LGR6: variants seen among roughly 807,000 people sequenced by gnomAD.
LGR6 encodes the protein leucine-rich repeat-containing G protein-coupled receptor 6.
Under a neutral mutation model 69.4 loss-of-function variants are expected in LGR6, and 45 were observed. The observed-to-expected ratio is 0.65, with a 90% CI of 0.51 to 0.83. The LOEUF is 0.83. Among genes scored for constraint, LGR6 ranks in the 40% least tolerant of loss-of-function variants. LGR6 has a pLI of 0.00. For missense variants in LGR6, 1,108 were observed against 1,246.7 expected, an observed-to-expected ratio of 0.89 and a Z score of 1.68; for synonymous variants, 538 against 555.0, an observed-to-expected ratio of 0.97 and a Z score of 0.43.
rs1021539532 is a variant in LGR6, at chr1:202,268,460, T to C, written c.429-7846T>C. On this transcript the variant is annotated intron_variant, in intron 4 of 17. Coordinates refer to ENST00000367278, the MANE Select transcript of LGR6 (RefSeq NM_001017403.2). The surrounding 1 kb of genome is among the most constrained non-coding windows in gnomAD (Gnocchi z 4.4). ...TAACCATTTCCATAGTGGCTGCTTTTTTTTTTTTTAACTTTTAATATCCTC... is the reference window on the plus strand; with the variant it reads ...TAACCATTTCCATAGTGGCTGCTTTCTTTTTTTTTAACTTTTAATATCCTC... Among the ~76,000 whole-genome samples, 2 of 152,070 alleles carry C rather than the reference T, an allele frequency of 1.3e-5. No individual in the cohort carries two copies. Among genetic ancestry groups the C allele is most frequent in the Admixed American group, 1.3e-4 (2 of 15,282 alleles).
intron 4 of LGR6, among the ~76,000 whole-genome samples, chr1:202,255,341 C>A (rs529836683): frequency 5.9e-5 from 9 of 152,266 alleles, no homozygotes; most frequent in African/African-American, 2.2e-4. Flanking sequence ...GCCTTGGGGT[C>A]AGGAGGAGCG....
intron 7 of LGR6, among the ~76,000 whole-genome samples, 179 bp from the exon 8 acceptor site, chr1:202,300,670 A>AAAAG (rs1553253370): frequency 6.6e-6 from 1 of 151,896 alleles, no homozygotes; most frequent in African/African-American, 2.4e-5. Flanking sequence ...AAAAAAAAAA[A>AAAAG]AAAGAAAGAA....
At chr1:202,308,794 C>T (rs970565207) in intron 14 of LGR6, among the ~76,000 whole-genome samples, 2 of 152,156 alleles carry the variant, frequency 1.3e-5, no homozygotes, top group Non-Finnish European at 2.9e-5. Flanking sequence ...TTAGAACAGT[C>T]CCTGGTATAT....
chr1:202,298,584 C>T (rs963218691), intron 7 of LGR6: 1 of 150,578 alleles, frequency 6.6e-6, no homozygotes, highest in African/African-American at 2.4e-5. Context: ...TGCAGTGGCA[C>T]GATCTCGGCT....
intron 6 of LGR6, among the ~76,000 whole-genome samples, chr1:202,292,307 C>T (rs1413540339): frequency 1.3e-5 from 2 of 152,228 alleles, no homozygotes; most frequent in Non-Finnish European, 2.9e-5. Flanking sequence ...TTCAGACTCA[C>T]ACTGCCAGGG....
At chr1:202,317,034 C>A (rs1033327771) in intron 17 of LGR6, among the ~76,000 whole-genome samples, 11 of 152,194 alleles carry the variant, frequency 7.2e-5, no homozygotes, top group African/African-American at 2.7e-4. Context: ...GTGGTCTGTA[C>A]CCCTCTCACA....
At chr1:202,255,569 G>A (rs1240225821) in intron 4 of LGR6, among the ~76,000 whole-genome samples, 3 of 152,034 alleles carry the variant, frequency 2.0e-5, no homozygotes, top group African/African-American at 4.8e-5. Flanking sequence ...CAACAGCCTG[G>A]GAGTTAATTA....
intron 4 of LGR6, among the ~76,000 whole-genome samples, chr1:202,264,197 G>A (rs909182318): frequency 1.3e-5 from 2 of 152,102 alleles, no homozygotes; most frequent in Non-Finnish European, 2.9e-5. Flanking sequence ...GGGAAGGACT[G>A]GAACCCTGTG....
chr1:202,315,138 G>C (rs1039349856), intron 17 of LGR6, among the ~76,000 whole-genome samples: 2 of 152,184 alleles, frequency 1.3e-5, no homozygotes, highest in East Asian at 3.9e-4. Context: ...ATGCATCCAG[G>C]ATAAAACTAC....
chr1:202,258,750 A>G (rs190377020), intron 4 of LGR6, among the ~76,000 whole-genome samples: 35 of 152,180 alleles, frequency 2.3e-4, no homozygotes, highest in African/African-American at 8.2e-4. Flanking sequence ...TGGAATTTAT[A>G]GATATCTAAT....
chr1:202,234,651 C>G (rs988110817), intron 3 of LGR6, among the ~76,000 whole-genome samples: 2 of 152,194 alleles, frequency 1.3e-5, no homozygotes, highest in Admixed American at 1.3e-4. Flanking sequence ...TGTGCACCCT[C>G]AGCATGAGGA....
chr1:202,297,505 C>T lies in LGR6; in HGVS notation c.717-3C>T, dbSNP rs778750029. On this transcript the variant is annotated splice_polypyrimidine_tract_variant and splice_region_variant and intron_variant, in intron 6 of 17. Coordinates refer to ENST00000367278, the MANE Select transcript of LGR6 (RefSeq NM_001017403.2). ...CTAATGACTGCTCTGCTTTCTGTTCCAGAGACCTGAATTATAACAAGCTGC... is the reference window on the plus strand; with the variant it reads ...CTAATGACTGCTCTGCTTTCTGTTCTAGAGACCTGAATTATAACAAGCTGC... 1.2e-6 allele frequency: 2 copies of T among 1,613,148 alleles called. No individual in the cohort carries two copies. Among genetic ancestry groups the T allele is most frequent in the South Asian group, 2.2e-5 (2 of 90,956 alleles).
intron 4 of LGR6, among the ~76,000 whole-genome samples, chr1:202,275,578 G>C (rs550786808): frequency 1.8e-4 from 27 of 152,208 alleles, no homozygotes; most frequent in African/African-American, 6.5e-4. Flanking sequence ...TTCAACTGTG[G>C]CATGCAGGGG....
intron 4 of LGR6, among the ~76,000 whole-genome samples, chr1:202,275,358 T>G (rs1665459296): frequency 6.6e-6 from 1 of 152,196 alleles, no homozygotes; most frequent in Admixed American, 6.5e-5. Context: ...AACCTGGGGC[T>G]CAGAGACAGT....
intron 4 of LGR6, among the ~76,000 whole-genome samples, chr1:202,266,115 A>G (rs1571924547): frequency 6.6e-6 from 1 of 152,274 alleles, no homozygotes; most frequent in East Asian, 1.9e-4. Flanking sequence ...TTAAAAAAAA[A>G]AAAAAAATAA....
intron 16 of LGR6, among the ~76,000 whole-genome samples, chr1:202,312,940 AG>A (rs1394516461): frequency 1.3e-5 from 2 of 152,280 alleles, no homozygotes; most frequent in Non-Finnish European, 1.5e-5. Context: ...AGAAAAAAAA[AG>A]TGTAAGGCCG....
chr1:202,304,698 C>T, intron 11 of LGR6, 68 bp downstream of exon 11: 5 of 1,251,906 alleles, frequency 4.0e-6, no homozygotes, highest in South Asian at 1.3e-5. Flanking sequence ...CAAAAGGCCT[C>T]TCCTGCTTCT....
At chr1:202,234,082 C>T (rs1661317143) in intron 3 of LGR6, among the ~76,000 whole-genome samples, 3 of 152,204 alleles carry the variant, frequency 2.0e-5, no homozygotes, top group Admixed American at 2.0e-4. Context: ...TTGGGTGGAG[C>T]CTGGATTGAA....
chr1:202,301,035 G>A, intron 8 of LGR6, 115 bp downstream of exon 8: 1 of 1,292,210 alleles, frequency 7.7e-7, no homozygotes, highest in Non-Finnish European at 1.1e-6. Context: ...AGAAGTATGG[G>A]AGGGGTTGCC....
Sources: allele counts gnomAD v4.1 joint callset (sites outside exome capture counted in the v4.1 genomes callset), GRCh38; gene constraint gnomAD v4.1.1; non-coding constraint Gnocchi (gnomAD v3.1); transcripts MANE v1.5; gene names NCBI Gene and HGNC (gene_info 2026-07-23, HGNC 2026-07-21).